The following AUTS2 variants were observed in gnomAD, a reference collection of about 807,000 sequenced individuals.
AUTS2 encodes activator of transcription and developmental regulator AUTS2, also known as autism susceptibility gene 2 protein.
A neutral mutation model predicts 112.4 loss-of-function variants in AUTS2; 17 were observed. The observed-to-expected ratio is 0.15, with a 90% CI of 0.10 to 0.23. AUTS2 has a LOEUF of 0.23. Among genes scored for constraint, AUTS2 ranks in the 10% least tolerant of loss-of-function variants. The probability of loss-of-function intolerance (pLI) is 1.00; values close to 1 mark genes in which losing one functional copy is unlikely to be tolerated. For synonymous variants in AUTS2, 751 were observed against 702.7 expected (o/e 1.07, Z -1.09); for missense variants, 1,510 against 1,701.6 (o/e 0.89, Z 1.98).
intron 4 of AUTS2, among the ~76,000 whole-genome samples, chr7:70,429,591 C>G (rs1427891342): frequency 6.6e-6 from 1 of 152,158 alleles, no homozygotes; most frequent in African/African-American, 2.4e-5. Flanking sequence ...TGCGAGGATG[C>G]CAACCAGGGC....
At chr7:70,506,120 G>A (rs1313686304) in intron 5 of AUTS2, among the ~76,000 whole-genome samples, 1 of 152,084 alleles carries the variant, frequency 6.6e-6, no homozygotes. Flanking sequence ...TGATCCCTGG[G>A]GTGTCTTTTT....
chr7:70,454,884 G>A (rs1337978804), intron 5 of AUTS2, among the ~76,000 whole-genome samples: 1 of 152,202 alleles, frequency 6.6e-6, no homozygotes, highest in African/African-American at 2.4e-5. Flanking sequence ...AAGATGAAAT[G>A]CAGGCCTCGG....
chr7:70,028,140 T>A (rs569474488), intron 2 of AUTS2, among the ~76,000 whole-genome samples: 3 of 151,618 alleles, frequency 2.0e-5, no homozygotes, highest in Admixed American at 6.6e-5. Context: ...TTCTTCCCTC[T>A]CCTTCCTGCC....
chr7:70,605,492 A>T (rs181695226), intron 5 of AUTS2, among the ~76,000 whole-genome samples: 175 of 146,028 alleles, frequency 1.2e-3, no homozygotes, highest in African/African-American at 4.4e-3. Flanking sequence ...TATAAGTAGC[A>T]GTTCATTTGT....
At chr7:69,987,425 G>C (rs1798556756) in intron 2 of AUTS2, among the ~76,000 whole-genome samples, 2 of 152,162 alleles carry the variant, frequency 1.3e-5, no homozygotes, top group African/African-American at 4.8e-5. Context: ...TCTTGAGTGT[G>C]TTAATGATAT....
intron 1 of AUTS2, among the ~76,000 whole-genome samples, chr7:69,781,927 G>T (rs1239994962): frequency 1.3e-5 from 2 of 152,174 alleles, no homozygotes; most frequent in East Asian, 1.9e-4. Flanking sequence ...CTAGCAGAAA[G>T]ACTTATTAAT....
intron 5 of AUTS2, among the ~76,000 whole-genome samples, chr7:70,664,550 T>C (rs985137417): frequency 2.6e-5 from 4 of 152,256 alleles, no homozygotes; most frequent in African/African-American, 9.6e-5. Context: ...GGCAGTTTAC[T>C]AAGGGTATAT....
At chr7:70,692,372 TCC>T (rs1267145952) in intron 5 of AUTS2, among the ~76,000 whole-genome samples, 15 of 152,172 alleles carry the variant, frequency 9.9e-5, no homozygotes, top group Admixed American at 9.8e-4. Flanking sequence ...AGAAAACTGT[TCC>T]ATTTTGATTG....
chr7:70,409,025 A>C (rs976071687), intron 4 of AUTS2, among the ~76,000 whole-genome samples: 7 of 152,200 alleles, frequency 4.6e-5, no homozygotes, highest in African/African-American at 1.7e-4. Flanking sequence ...AAGTAATTTC[A>C]ACTGGCACGT....
intron 4 of AUTS2, among the ~76,000 whole-genome samples, chr7:70,259,313 T>C (rs1029489451): frequency 6.6e-6 from 1 of 151,898 alleles, no homozygotes; most frequent in Non-Finnish European, 1.5e-5. Flanking sequence ...TTTTTTTTTT[T>C]CCTTCTTTTT....
At chr7:70,734,602 G>A (rs534832154) in intron 6 of AUTS2, among the ~76,000 whole-genome samples, 36 of 152,226 alleles carry the variant, frequency 2.4e-4, no homozygotes, top group Admixed American at 5.2e-4. Flanking sequence ...GGTATGTATG[G>A]TAGTGTAGTT....
chr7:70,458,798 T>C (rs1796849571), intron 5 of AUTS2, among the ~76,000 whole-genome samples: 2 of 152,224 alleles, frequency 1.3e-5, no homozygotes, highest in Non-Finnish European at 2.9e-5. Context: ...CTAGATTGTG[T>C]CACCCAGAAT....
chr7:70,472,078 G>A (rs950102720), intron 5 of AUTS2, among the ~76,000 whole-genome samples: 1 of 152,168 alleles, frequency 6.6e-6, no homozygotes, highest in South Asian at 2.1e-4. Context: ...CATGCTCTGA[G>A]TACTGGCCAT....
At chr7:69,884,552 A>G (rs1334865785) in intron 1 of AUTS2, among the ~76,000 whole-genome samples, 1 of 152,206 alleles carries the variant, frequency 6.6e-6, no homozygotes, top group African/African-American at 2.4e-5. Flanking sequence ...AGTTTAATAA[A>G]CTTTGCCATT....
chr7:69,689,852 A>ATT (rs748540277), intron 1 of AUTS2, among the ~76,000 whole-genome samples: 1,939 of 116,136 alleles, frequency 0.017, 48 homozygotes, highest in African/African-American at 0.055. Context: ...TTAATTTTGT[A>ATT]TTTTTTTTTT....
intron 1 of AUTS2, among the ~76,000 whole-genome samples, chr7:69,623,921 C>T (rs541702680): frequency 6.6e-6 from 1 of 152,122 alleles, no homozygotes; most frequent in Non-Finnish European, 1.5e-5. Context: ...TATTCCTCCT[C>T]AAATCCCAAG....
At chr7:70,020,267 G>A (rs1040828064) in intron 2 of AUTS2, among the ~76,000 whole-genome samples, 34 of 152,234 alleles carry the variant, frequency 2.2e-4, no homozygotes, top group African/African-American at 6.7e-4. Context: ...TTGTAGAGTT[G>A]TATCTTGAAG....
chr7:70,217,652 C>T lies in AUTS2; in HGVS notation c.660+83081C>T, dbSNP rs565034712. On this transcript the variant is annotated intron_variant, in intron 4 of 18. Coordinates refer to ENST00000342771, the MANE Select transcript of AUTS2 (RefSeq NM_015570.4). The stretch of plus-strand genomic sequence containing the variant: ...AGGTTATTCATCTTCAGCTTTAGCT[C>T]TTTTTATCTGATTAGCCAGGGCAGG... Among the ~76,000 whole-genome samples the T allele has an allele frequency of 9.2e-5, 14 of 152,248 alleles. 1 individual carries two copies. The South Asian group carries it at 2.9e-3, about 32-fold the overall frequency.
At chr7:70,607,005 A>C (rs1803816616) in intron 5 of AUTS2, among the ~76,000 whole-genome samples, 1 of 152,170 alleles carries the variant, frequency 6.6e-6, no homozygotes, top group African/African-American at 2.4e-5. Context: ...AGTGATAGCG[A>C]GCCCCAGTTC....
Sources: gnomAD v4.1 joint callset for allele counts (sites outside exome capture counted in the v4.1 genomes callset) on GRCh38, gnomAD v4.1.1 for gene constraint, MANE v1.5 for transcripts, NCBI Gene and HGNC (gene_info 2026-07-23, HGNC 2026-07-21) for gene names.